Variants in ADGRB3 observed in about 807,000 individuals in gnomAD.
The protein encoded by ADGRB3 is brain-specific angiogenesis inhibitor 3.
In ADGRB3, 37 loss-of-function variants were observed where a neutral mutation model predicts 193.4. That is an observed-to-expected ratio of 0.19 (90% CI 0.15 to 0.25). The LOEUF (loss-of-function observed/expected upper bound fraction) is 0.25, where lower values mean the gene tolerates loss of function less well. ADGRB3 is among the 10% of genes least tolerant of loss of function. ADGRB3 has a pLI of 1.00. For missense variants in ADGRB3, 1,637 were observed against 1,852.9 expected (o/e 0.88, Z 2.14); for synonymous variants, 690 against 644.2 (o/e 1.07, Z -1.08).
At chr6:69,116,142 A>G (rs1215714635) in intron 17 of ADGRB3, among the ~76,000 whole-genome samples, 2 of 152,158 alleles carry the variant, frequency 1.3e-5, no homozygotes, top group East Asian at 3.8e-4. Flanking sequence ...TCACCAGGAA[A>G]CCTCAGCTTT....
At chr6:69,166,525 T>C (rs771684336) in intron 17 of ADGRB3, among the ~76,000 whole-genome samples, 39 of 152,114 alleles carry the variant, frequency 2.6e-4, no homozygotes, top group Non-Finnish European at 4.4e-4. Context: ...TATTCACTGA[T>C]AGGTACATTC....
In ADGRB3 at chr6:69,091,383, T is replaced by A. The variant is rs143666985; in HGVS notation, c.2480+15345T>A. On this transcript the variant is annotated intron_variant, in intron 17 of 31. Transcript: ENST00000370598. The stretch of plus-strand genomic sequence containing the variant: ...TTTTCACAATAGCAAAGACATGGAA[T>A]CAGCCAAAGTGCCCATCAGTGATAG... Among the ~76,000 whole-genome samples, 664 of 152,292 alleles carry A rather than the reference T, an allele frequency of 4.4e-3. 6 individuals are homozygous for A. The highest frequency in any genetic ancestry group is 0.015 in the African/African-American group (623 of 41,552).
At chr6:69,387,043 C>G (rs1197605884) in intron 31 of ADGRB3, among the ~76,000 whole-genome samples, 1 of 152,032 alleles carries the variant, frequency 6.6e-6, no homozygotes, top group African/African-American at 2.4e-5. Flanking sequence ...GGCATTGATC[C>G]ACACGTTCTG....
At chr6:68,885,372 ATAT>A (rs1376204273) in intron 3 of ADGRB3, among the ~76,000 whole-genome samples, 3 of 152,160 alleles carry the variant, frequency 2.0e-5, no homozygotes, top group Admixed American at 6.5e-5. Flanking sequence ...TTAATTGAAC[ATAT>A]TATGTATTTA....
At chr6:69,136,021 C>A (rs1774139390) in intron 17 of ADGRB3, among the ~76,000 whole-genome samples, 1 of 151,986 alleles carries the variant, frequency 6.6e-6, no homozygotes, top group Non-Finnish European at 1.5e-5. Context: ...CTTGTGATAT[C>A]TCTTTCCTAG....
At chr6:69,350,528 G>A (rs889405949) in intron 26 of ADGRB3, among the ~76,000 whole-genome samples, 4 of 151,866 alleles carry the variant, frequency 2.6e-5, no homozygotes, top group Admixed American at 6.6e-5. Context: ...TATAGGTTTA[G>A]TAAAAAAATT....
At chr6:69,215,100 T>G (rs746469403) in intron 17 of ADGRB3, among the ~76,000 whole-genome samples, 38 of 152,136 alleles carry the variant, frequency 2.5e-4, no homozygotes, top group Non-Finnish European at 4.9e-4. Context: ...GACTGAGAAC[T>G]GTCCCAGATT....
intron 17 of ADGRB3, among the ~76,000 whole-genome samples, chr6:69,109,622 CA>C (rs1327930416): frequency 1.3e-5 from 2 of 152,116 alleles, no homozygotes; most frequent in Admixed American, 6.5e-5. Context: ...TCCAGCTTTA[CA>C]TAACTAGTGA....
intron 20 of ADGRB3, among the ~76,000 whole-genome samples, chr6:69,251,348 C>T (rs1439371812): frequency 6.6e-6 from 1 of 151,606 alleles, no homozygotes; most frequent in Non-Finnish European, 1.5e-5. Flanking sequence ...GGTTTTTCCA[C>T]TAATCTGTCT....
chr6:68,859,099 A>G (rs1017519189), intron 3 of ADGRB3, among the ~76,000 whole-genome samples: 6 of 152,120 alleles, frequency 3.9e-5, no homozygotes, highest in African/African-American at 1.2e-4. Context: ...CTTCCACCAG[A>G]TATACTAAAT....
intron 17 of ADGRB3, among the ~76,000 whole-genome samples, chr6:69,081,269 G>C (rs1267502045): frequency 6.6e-6 from 1 of 151,778 alleles, no homozygotes; most frequent in Non-Finnish European, 1.5e-5. Context: ...TGAAAATACT[G>C]AAAATACTAG....
chr6:69,033,215 C>T (rs112859288), intron 13 of ADGRB3, among the ~76,000 whole-genome samples: 1 of 152,016 alleles, frequency 6.6e-6, no homozygotes, highest in South Asian at 2.1e-4. Context: ...GCAGTTAGGG[C>T]CCATGAAGAT....
intron 17 of ADGRB3, among the ~76,000 whole-genome samples, chr6:69,086,979 G>T (rs1184840473): frequency 1.3e-5 from 2 of 152,100 alleles, no homozygotes; most frequent in African/African-American, 4.8e-5. Flanking sequence ...AAACGTAATT[G>T]TAATAAAGTA....
At chr6:68,690,240 A>C (rs1210231701) in intron 3 of ADGRB3, among the ~76,000 whole-genome samples, 1 of 152,102 alleles carries the variant, frequency 6.6e-6, no homozygotes, top group Non-Finnish European at 1.5e-5. Flanking sequence ...TGCTGAGAAC[A>C]ATTTATAGGA....
intron 13 of ADGRB3, among the ~76,000 whole-genome samples, chr6:69,022,835 A>G (rs1000148042): frequency 1.3e-5 from 2 of 152,010 alleles, no homozygotes; most frequent in African/African-American, 2.4e-5. Context: ...AATGGAGTGT[A>G]TGAGATCTGA....
intron 17 of ADGRB3, among the ~76,000 whole-genome samples, chr6:69,187,295 G>A (rs1765090951): frequency 6.6e-6 from 1 of 152,004 alleles, no homozygotes; most frequent in Admixed American, 6.6e-5. Flanking sequence ...TATAATATTG[G>A]ATCTAAAGTC....
chr6:68,905,901 C>T (rs748436985), intron 3 of ADGRB3, among the ~76,000 whole-genome samples: 3 of 152,036 alleles, frequency 2.0e-5, no homozygotes, highest in Non-Finnish European at 2.9e-5. Flanking sequence ...ATACACAAAT[C>T]TAGTTTCCCT....
intron 13 of ADGRB3, among the ~76,000 whole-genome samples, chr6:69,028,312 C>G (rs1770498747): frequency 6.6e-6 from 1 of 152,136 alleles, no homozygotes; most frequent in African/African-American, 2.4e-5. Context: ...CAGCTCCATT[C>G]TTTTGAAAGC....
At chr6:69,317,386 T>C (rs1768336415) in intron 20 of ADGRB3, among the ~76,000 whole-genome samples, 1 of 151,452 alleles carries the variant, frequency 6.6e-6, no homozygotes, top group Non-Finnish European at 1.5e-5. Flanking sequence ...TATCCACTAG[T>C]GAGATTGGTA....
Sources: gnomAD v4.1 joint callset for allele counts (sites outside exome capture counted in the v4.1 genomes callset) on GRCh38, gnomAD v4.1.1 for gene constraint, MANE v1.5 for transcripts, NCBI Gene and HGNC (gene_info 2026-07-23, HGNC 2026-07-21) for gene names.